The following NAA38 variants were observed in gnomAD, a reference collection of about 807,000 sequenced individuals.
NAA38 encodes the protein N-alpha-acetyltransferase 38, NatC auxiliary subunit, also known as LSM domain containing 1.
In NAA38, 15 loss-of-function variants were observed where a neutral mutation model predicts 12.6. That is an observed-to-expected ratio of 1.19 (90% CI 0.79 to 1.83). NAA38 has a LOEUF of 1.83. NAA38 is among the 40% of genes most tolerant of loss of function. NAA38 has a pLI of 0.00. For synonymous variants in NAA38, 88 were observed against 69.9 expected (o/e 1.26, Z -1.29); for missense variants, 183 against 171.7 (o/e 1.07, Z -0.37).
intron 1 of NAA38, 92 bp downstream of exon 1, chr17:7,857,291 A>C: frequency 6.2e-7 from 1 of 1,611,474 alleles, no homozygotes; most frequent in Admixed American, 1.7e-5. Flanking sequence ...CACTCACACA[A>C]AGCCCAGAGG....
At chr17:7,882,546 T>C (rs1345794888) in intron 2 of NAA38, among the ~76,000 whole-genome samples, 1 of 151,932 alleles carries the variant, frequency 6.6e-6, no homozygotes, top group Non-Finnish European at 1.5e-5. Context: ...AAGGGGGGGA[T>C]AACCAGATGA....
At chr17:7,878,589 G>T (rs1230240623) in intron 2 of NAA38, among the ~76,000 whole-genome samples, 1 of 152,110 alleles carries the variant, frequency 6.6e-6, no homozygotes, top group Non-Finnish European at 1.5e-5. Flanking sequence ...CGGGTGTGGT[G>T]GTGGCACGCG....
rs748527163 is a variant in NAA38 at position 7,884,860 on chromosome 17, GGAGGAGGAAGAA to G, written c.-167+293_-167+304del. 185 of 1,219,492 alleles carry G rather than the reference GGAGGAGGAAGAA, an allele frequency of 1.5e-4. 2 individuals carry two copies. The highest frequency in any genetic ancestry group is 1.8e-4 in the South Asian group (12 of 67,698). The allele number at this position is 1,219,492 out of a possible 1,614,324, so 75.5% of individuals were successfully genotyped here. A position where few individuals can be genotyped will look rare whatever the true frequency, so the allele number is the denominator to read the frequency against. On this transcript the variant is annotated intron_variant, in intron 1 of 4. Coordinates refer to the NAA38 transcript ENST00000576861. ...AGGAGGAGGAGGAGATGGTGGTGTC[GGAGGAGGAAGAA>G]GAGGAGGAAGAAGAGGGCGACGAGG...
intron 2 of NAA38, 23 bp downstream of exon 2, chr17:7,856,992 G>A: frequency 6.3e-7 from 1 of 1,595,764 alleles, no homozygotes; most frequent in Non-Finnish European, 8.6e-7. Flanking sequence ...TACCAGGCGG[G>A]TGTGCATTCC....
intron 2 of NAA38, among the ~76,000 whole-genome samples, chr17:7,871,901 C>A (rs1967092799): frequency 6.6e-6 from 1 of 152,170 alleles, no homozygotes; most frequent in Non-Finnish European, 1.5e-5. Context: ...GTGACCCACC[C>A]ACCTCGGCTT....
chr17:7,871,076 C>T (rs1967078096), intron 2 of NAA38, among the ~76,000 whole-genome samples: 1 of 152,130 alleles, frequency 6.6e-6, no homozygotes, highest in Admixed American at 6.5e-5. Context: ...GAGCTAAGCA[C>T]ATCTAGAAAC....
At chr17:7,858,835 G>C (rs781331370), upstream of NAA38, 37 of 1,524,098 alleles carry the variant, frequency 2.4e-5, no homozygotes, top group Non-Finnish European at 2.7e-5. Context: ...GTGAGAACTG[G>C]TGACAAGGAG....
upstream of NAA38, chr17:7,857,870 C>T (rs2078843056): frequency 3.6e-6 from 5 of 1,387,122 alleles, no homozygotes; most frequent in Non-Finnish European, 4.7e-6. Context: ...CCCGCAACTC[C>T]TGAAAGCGGC....
chr17:7,858,062 C>CGTA (rs2151385107), upstream of NAA38: 1 of 1,577,882 alleles, frequency 6.3e-7, no homozygotes, highest in Non-Finnish European at 8.6e-7. Context: ...CGACGGAGGT[C>CGTA]GTAGTAGTAG....
intron 1 of NAA38, chr17:7,884,869 A>G: frequency 3.3e-6 from 4 of 1,210,944 alleles, no homozygotes; most frequent in Admixed American, 4.9e-5. Flanking sequence ...CGGAGGAGGA[A>G]GAAGAGGAGG....
intron 2 of NAA38, among the ~76,000 whole-genome samples, chr17:7,882,913 G>A (rs1369269070): frequency 6.6e-6 from 1 of 152,168 alleles, no homozygotes; most frequent in Non-Finnish European, 1.5e-5. Flanking sequence ...ATAACCCAGA[G>A]AGAAATGATT....
chr17:7,858,212 C>T (rs1035445877), upstream of NAA38: 2 of 1,613,944 alleles, frequency 1.2e-6, no homozygotes, highest in Admixed American at 1.7e-5. Flanking sequence ...CGGAGGTGGC[C>T]CAACATAACA....
chr17:7,857,409 G>A lies in NAA38; in HGVS notation c.55C>T (p.Arg19Trp). Residue 19 changes from arginine to tryptophan, a missense_variant, in exon 1 of 3, where the codon CGG (arginine) becomes TGG (tryptophan). Transcript: ENST00000575771. ...LLREENGCCS[R>W]RQSSSSAGDS... Reference sequence around the variant, plus strand: ...CCAGCACTGGAGCTGCTCTGACGCCGACTGCAACAGCCATTCTCTTCTCGT... The same window carrying A: ...CCAGCACTGGAGCTGCTCTGACGCCAACTGCAACAGCCATTCTCTTCTCGT... 5.6e-6 allele frequency: 9 copies of A among 1,598,552 alleles called. No homozygotes were observed. The highest frequency in any genetic ancestry group is 7.7e-6 in the Non-Finnish European group (9 of 1,174,696).
chr17:7,878,006 A>C (rs1967205024), intron 2 of NAA38, among the ~76,000 whole-genome samples: 1 of 152,122 alleles, frequency 6.6e-6, no homozygotes, highest in Non-Finnish European at 1.5e-5. Context: ...AATTAGATTA[A>C]AGTGATATTT....
chr17:7,876,912 C>A (rs111667835), intron 2 of NAA38, among the ~76,000 whole-genome samples: 192 of 152,130 alleles, frequency 1.3e-3, no homozygotes, highest in African/African-American at 4.4e-3. Flanking sequence ...ATAAATGTTA[C>A]CATGTTATAT....
At chr17:7,867,904 C>G (rs1460773513) in intron 2 of NAA38, among the ~76,000 whole-genome samples, 1 of 152,156 alleles carries the variant, frequency 6.6e-6, no homozygotes, top group African/African-American at 2.4e-5. Context: ...ACACCCGTGT[C>G]TGGCCTGGAT....
chr17:7,866,148 A>G (rs969723372), intron 3 of NAA38: 23 of 153,836 alleles, frequency 1.5e-4, no homozygotes, highest in African/African-American at 3.0e-4. Context: ...GTGCAGCGGC[A>G]CGATCTCGGC....
rs574913212 is a variant in NAA38, at chr17:7,877,186, C to T, written c.-66+6049G>A. On this transcript the variant is annotated intron_variant, in intron 2 of 4. Coordinates refer to the NAA38 transcript ENST00000576861. ...TTTACATAAATAATAAATACTTTCT[C>T]ATTGTAAAAATTCAGAATTATCAAT... The T allele has an allele frequency of 8.2e-4, 180 of 219,096 alleles. 2 individuals carry two copies. Among genetic ancestry groups the T allele is most frequent in the Middle Eastern group, 2.7e-3 (4 of 1,482 alleles). 13.6% of individuals were successfully genotyped at this position (219,096 alleles called of 1,614,324 possible).
chr17:7,858,515 G>A (rs1371668075), upstream of NAA38: 2 of 1,614,100 alleles, frequency 1.2e-6, no homozygotes, highest in Non-Finnish European at 1.7e-6. Context: ...GTGGGTAGAG[G>A]AAATGGAGAG....
Sources: allele counts gnomAD v4.1 joint callset (sites outside exome capture counted in the v4.1 genomes callset), GRCh38; gene constraint gnomAD v4.1.1; transcripts MANE v1.5; gene names NCBI Gene and HGNC (gene_info 2026-07-23, HGNC 2026-07-21).